SLC44A3: variants seen among roughly 807,000 people sequenced by gnomAD.
SLC44A3 encodes the protein choline transporter-like protein 3.
Under a neutral mutation model 75.4 loss-of-function variants are expected in SLC44A3, and 74 were observed. The observed-to-expected ratio is 0.98, with a 90% confidence interval of 0.81 to 1.19. The LOEUF is 1.19. SLC44A3 is among the 50% of genes most tolerant of loss of function. SLC44A3 has a pLI of 0.00. For missense variants in SLC44A3, 700 were observed against 778.6 expected (o/e 0.90, Z 1.20); for synonymous variants, 310 against 296.9 (o/e 1.04, Z -0.45).
rs927766640 is a variant in SLC44A3, at chr1:94,840,092, A to G, written c.760+55A>G. The G allele has an allele frequency of 2.7e-6, 4 of 1,465,554 alleles. No individual in the cohort carries two copies. The South Asian group carries it at 3.4e-5, about 12-fold the overall frequency. 90.8% of individuals were successfully genotyped at this position (1,465,554 alleles called of 1,614,324 possible). The stretch of plus-strand genomic sequence containing the variant: ...TTTCGATTAAATGAAAAGCCTTTAC[A>G]TTAAGTACAGAACTTAAAAGTTGGC... On this transcript the variant is annotated intron_variant, in intron 7 of 14. Transcript: ENST00000271227.
intron 12 of SLC44A3, among the ~76,000 whole-genome samples, chr1:94,872,830 G>A (rs1239752699): frequency 1.3e-5 from 2 of 152,204 alleles, no homozygotes; most frequent in Non-Finnish European, 2.9e-5. Flanking sequence ...AAAACAATAT[G>A]AGCTGTTTGT....
chr1:94,848,053 C>T (rs906042692), intron 9 of SLC44A3, among the ~76,000 whole-genome samples: 96 of 152,216 alleles, frequency 6.3e-4, no homozygotes, highest in African/African-American at 2.2e-3. Flanking sequence ...ACGGTGAAAC[C>T]CCGTCTCTAC....
intron 12 of SLC44A3, among the ~76,000 whole-genome samples, chr1:94,875,629 T>C (rs1054030095): frequency 1.2e-4 from 1 of 8,082 alleles, no homozygotes; most frequent in Non-Finnish European, 1.3e-3. Context: ...TTGGGCAATA[T>C]GGAGGAGGCC....
intron 12 of SLC44A3, among the ~76,000 whole-genome samples, chr1:94,878,393 A>G (rs1414299069): frequency 6.6e-6 from 1 of 152,168 alleles, no homozygotes; most frequent in Non-Finnish European, 1.5e-5. Context: ...TGGATTGAAG[A>G]ATGAATATGA....
At chr1:94,831,629 G>A (rs1421983078) in intron 5 of SLC44A3, among the ~76,000 whole-genome samples, 1 of 152,178 alleles carries the variant, frequency 6.6e-6, no homozygotes, top group Non-Finnish European at 1.5e-5. Flanking sequence ...ACATGGTAAT[G>A]TATTTTGAGT....
intron 9 of SLC44A3, among the ~76,000 whole-genome samples, chr1:94,852,423 GGCAC>G (rs1281543399): frequency 6.6e-6 from 1 of 152,180 alleles, no homozygotes; most frequent in Non-Finnish European, 1.5e-5. Context: ...AAACATCCCA[GGCAC>G]AGAGGCTGGC....
chr1:94,829,444 A>G lies in SLC44A3; in HGVS notation c.509+858A>G, dbSNP rs530868887. 2.0e-5 allele frequency among the ~76,000 whole-genome samples: 3 copies of G among 152,214 alleles called. No homozygotes were observed. In the South Asian group the frequency reaches 6.2e-4, roughly 32 times the overall value. ...ACAGAAAGCACAGGTCCTTATCAAGAGTACACTTGGTGGGCTCCTTGCAAG... is the reference window on the plus strand; with the variant it reads ...ACAGAAAGCACAGGTCCTTATCAAGGGTACACTTGGTGGGCTCCTTGCAAG... On this transcript the variant is annotated intron_variant, in intron 5 of 14. Transcript: ENST00000271227.
chr1:94,879,076 A>G (rs1386042763), intron 12 of SLC44A3, among the ~76,000 whole-genome samples: 1 of 152,216 alleles, frequency 6.6e-6, no homozygotes, highest in African/African-American at 2.4e-5. Flanking sequence ...AAATGGGACC[A>G]CATCAAACTT....
Position 94,867,488 on chromosome 1 carries a change from G to A in SLC44A3, c.1482+71G>A, listed in dbSNP as rs879223729. On this transcript the variant is annotated intron_variant, in intron 12 of 14. Coordinates refer to ENST00000271227, the MANE Select transcript of SLC44A3 (RefSeq NM_001114106.3). ...GGTGGGCTTCATCTCTTAGGTCAAG[G>A]TTTGGCAAATTCTTCTCTAAGGGGC... 128 of 1,328,932 alleles carry A rather than the reference G, an allele frequency of 9.6e-5. 1 individual carries two copies. In the South Asian group the frequency reaches 1.7e-3, roughly 18 times the overall value. 82.3% of individuals were successfully genotyped at this position (1,328,932 alleles called of 1,614,324 possible).
In SLC44A3 at chr1:94,821,018, G is replaced by T. The variant is rs1333620118; in HGVS notation, c.97G>T (p.Ala33Ser). The change falls in exon 2 of 15, where the codon GCA becomes TCA. Residue 33 changes from alanine to serine, a missense_variant. Ala to Ser is a moderately conservative substitution (Grantham distance 99). Transcript: ENST00000271227. The part of the protein sequence containing the change: ...PQIYRKCTDT[A>S]WLFLFFLFWT... The stretch of plus-strand genomic sequence containing the variant: ...GATTTATAGGAAATGCACAGATACG[G>T]CATGGTTATTCCTGTTCTTTCTCTT... 21 of 1,551,540 alleles carry T rather than the reference G, an allele frequency of 1.4e-5. No individual in the cohort carries two copies. The highest frequency in any genetic ancestry group is 1.8e-5 in the Non-Finnish European group (21 of 1,146,872).
At chr1:94,826,003 A>G (rs1661284479) in intron 3 of SLC44A3, 1 of 446,380 alleles carries the variant, frequency 2.2e-6, no homozygotes, top group Admixed American at 2.4e-5. Flanking sequence ...AGTGTCCATC[A>G]ATGGTTGAAT....
At chr1:94,852,737 T>A (rs1665375329) in intron 9 of SLC44A3, among the ~76,000 whole-genome samples, 1 of 152,194 alleles carries the variant, frequency 6.6e-6, no homozygotes, top group Non-Finnish European at 1.5e-5. Context: ...TCTGCATCTA[T>A]TTTGAAGGTA....
Position 94,857,691 on chromosome 1 carries a change from G to C in SLC44A3, c.1238+191G>C, listed in dbSNP as rs138207654. On this transcript the variant is annotated intron_variant, in intron 10 of 14. Transcript: ENST00000271227. ...AGAAGAAATATTACACCCTAAATCT[G>C]TCACATTTCCAACCTTTTTACTTTA... is the stretch of plus-strand genomic sequence containing the variant. Among the ~76,000 whole-genome samples, 193 of 152,066 alleles carry C rather than the reference G, an allele frequency of 1.3e-3. 1 individual carries two copies. The highest frequency in any genetic ancestry group is 2.2e-3 in the Non-Finnish European group (152 of 68,008).
chr1:94,854,511 T>C (rs1410923258), intron 9 of SLC44A3, among the ~76,000 whole-genome samples: 1 of 152,178 alleles, frequency 6.6e-6, no homozygotes, highest in African/African-American at 2.4e-5. Context: ...GCCCAGTCCA[T>C]AGAGACAAAG....
chr1:94,827,788 G>A (rs1661569757), intron 4 of SLC44A3, 145 bp downstream of exon 4: 1 of 964,284 alleles, frequency 1.0e-6, no homozygotes, highest in East Asian at 2.4e-5. Context: ...TGTGGAAAAG[G>A]CCGTAAGCAT....
intron 8 of SLC44A3, chr1:94,843,117 G>A (rs891787537): frequency 6.6e-6 from 1 of 152,438 alleles, no homozygotes; most frequent in Non-Finnish European, 1.5e-5. Context: ...GAGGAGCAGG[G>A]CTGGGGGCTG....
At chr1:94,827,957 G>A (rs1345501890) in intron 4 of SLC44A3, among the ~76,000 whole-genome samples, 1 of 152,136 alleles carries the variant, frequency 6.6e-6, no homozygotes, top group African/African-American at 2.4e-5. Flanking sequence ...TCAGAAGGAA[G>A]GCAGAGAGCT....
chr1:94,881,429 G>A (rs1179744950), intron 12 of SLC44A3, among the ~76,000 whole-genome samples: 2 of 152,212 alleles, frequency 1.3e-5, no homozygotes, highest in East Asian at 3.8e-4. Flanking sequence ...AATCGGCCAG[G>A]CGCGGTGGCT....
intron 5 of SLC44A3, among the ~76,000 whole-genome samples, chr1:94,831,765 G>C (rs1430504607): frequency 6.6e-6 from 1 of 152,178 alleles, no homozygotes; most frequent in Non-Finnish European, 1.5e-5. Context: ...CATATACCTG[G>C]TGATCTAAAT....
Sources: gnomAD v4.1 joint callset for allele counts (sites outside exome capture counted in the v4.1 genomes callset) on GRCh38, gnomAD v4.1.1 for gene constraint, MANE v1.5 for transcripts, NCBI Gene and HGNC (gene_info 2026-07-23, HGNC 2026-07-21) for gene names.